The following SS18 variants were observed in gnomAD, a reference collection of about 807,000 sequenced individuals.
SS18 encodes the protein SS18 subunit of BAF chromatin remodeling complex, also known as protein SSXT.
Under a neutral mutation model 72.5 loss-of-function variants are expected in SS18, and 28 were observed. That is an observed-to-expected ratio of 0.39 (90% CI 0.29 to 0.53). The LOEUF (loss-of-function observed/expected upper bound fraction) is 0.53, where lower values mean the gene tolerates loss of function less well. SS18 is among the 20% of genes least tolerant of loss of function. The pLI, the probability that SS18 is intolerant of heterozygous loss-of-function variation, is 0.76. For synonymous variants in SS18, 172 were observed against 164.2 expected, an observed-to-expected ratio of 1.05 and a Z score of -0.37; for missense variants, 518 against 535.3, an observed-to-expected ratio of 0.97 and a Z score of 0.32.
intron 4 of SS18, among the ~76,000 whole-genome samples, chr18:26,053,351 T>G (rs1598571420): frequency 6.6e-6 from 1 of 150,440 alleles, no homozygotes; most frequent in Admixed American, 6.6e-5. Context: ...TCTAGATGAA[T>G]AGAAAACTTA....
intron 3 of SS18, among the ~76,000 whole-genome samples, chr18:26,061,693 T>G (rs1233366785): frequency 6.6e-6 from 1 of 151,340 alleles, no homozygotes; most frequent in Non-Finnish European, 1.5e-5. Flanking sequence ...CAGCCCAGAA[T>G]TCCACACTAA....
chr18:26,090,512 C>G lies in SS18; in HGVS notation c.58G>C (p.Ala20Pro). Reference protein sequence around the residue: ...QRGKGEITPAAIQKMLDDNNH... With the variant: ...QRGKGEITPAPIQKMLDDNNH... ...CCGCGCGGTTTCACCTTCTGAATCG[C>G]AGCGGGAGTGATCTCCCCCTTGCCT... The change falls in exon 1 of 11, where the codon GCG becomes CCG. Residue 20 changes from alanine to proline, a missense_variant. By Grantham distance (27) the Ala-to-Pro change is conservative. Transcript: ENST00000415083. 6.3e-7 allele frequency: 1 copy of G among 1,579,226 alleles called. No individual in the cohort carries two copies. Among genetic ancestry groups the G allele is most frequent in the Non-Finnish European group, 8.6e-7 (1 of 1,162,836 alleles).
At position 26,066,917 on chromosome 18, in the gene SS18, T is replaced by C. The variant is rs140617473; in HGVS notation, c.232-9175A>G. On this transcript the variant is annotated intron_variant, in intron 3 of 10. Transcript: ENST00000415083. ...TAATCACATCTTCTGCTGTTTCAAA[T>C]GTACTCTGAATACAAAGTATTTCTA... is the stretch of plus-strand genomic sequence containing the variant. 2.6e-3 allele frequency among the ~76,000 whole-genome samples: 398 copies of C among 152,336 alleles called. 3 individuals are homozygous for C. The highest frequency in any genetic ancestry group is 8.8e-3 in the African/African-American group (365 of 41,572).
intron 5 of SS18, among the ~76,000 whole-genome samples, chr18:26,047,879 C>G (rs1216230834): frequency 6.6e-6 from 1 of 152,114 alleles, no homozygotes. Flanking sequence ...AGGTTAAATT[C>G]CTACCTCTTA....
chr18:26,086,885 A>G (rs2054624482), intron 2 of SS18, among the ~76,000 whole-genome samples: 2 of 152,230 alleles, frequency 1.3e-5, no homozygotes, highest in South Asian at 2.1e-4. Context: ...GGTAAGAAGT[A>G]TAAGAAACGA....
At chr18:26,083,728 C>G (rs528983122) in intron 2 of SS18, among the ~76,000 whole-genome samples, 1 of 152,186 alleles carries the variant, frequency 6.6e-6, no homozygotes, top group Non-Finnish European at 1.5e-5. Flanking sequence ...CTATTGTTGA[C>G]CAAAAGAGCA....
At chr18:26,057,820 G>T in intron 3 of SS18, 78 bp from the exon 4 acceptor site, 1 of 1,357,598 alleles carries the variant, frequency 7.4e-7, no homozygotes, top group Non-Finnish European at 9.8e-7. Context: ...AGTTGCTTAT[G>T]TTACTAAATT....
At chr18:26,023,744 C>T in intron 10 of SS18, 3 of 417,672 alleles carry the variant, frequency 7.2e-6, no homozygotes, top group East Asian at 4.6e-5. Flanking sequence ...TGTTAACATC[C>T]TTCAGGCAAA....
chr18:26,032,343 C>A, intron 10 of SS18, 56 bp downstream of exon 10: 1 of 1,589,760 alleles, frequency 6.3e-7, no homozygotes, highest in Non-Finnish European at 8.6e-7. Flanking sequence ...AAAAAGTTCA[C>A]CTAATCGAGA....
chr18:26,060,771 CAA>C (rs60999827), intron 3 of SS18, among the ~76,000 whole-genome samples: 19 of 39,594 alleles, frequency 4.8e-4, no homozygotes, highest in African/African-American at 8.2e-4. Context: ...CTAAAAATAC[CAA>C]AAAAAAAAAA....
chr18:26,023,631 T>C (rs1264594619), intron 10 of SS18: 2 of 531,384 alleles, frequency 3.8e-6, no homozygotes, highest in Admixed American at 4.5e-5. Flanking sequence ...CCACCTAGAA[T>C]TCTATACCCA....
In SS18 at chr18:26,019,345, C is replaced by T. The variant is rs1427867043; in HGVS notation, c.1231-965G>A. Among the ~76,000 whole-genome samples the T allele has an allele frequency of 2.0e-5, 3 of 152,288 alleles. No individual in the cohort carries two copies. The East Asian group carries it at 5.8e-4, about 29-fold the overall frequency. ...TAGTTAACTGTTTCCTTTGGCTAAA[C>T]AACTCTCTCTCCACGTCACAACAAT... On this transcript the variant is annotated intron_variant, in intron 10 of 10. Coordinates refer to ENST00000415083, the MANE Select transcript of SS18 (RefSeq NM_001007559.3).
chr18:26,059,424 T>G (rs1337241693), intron 3 of SS18, among the ~76,000 whole-genome samples: 2 of 152,128 alleles, frequency 1.3e-5, no homozygotes, highest in Non-Finnish European at 2.9e-5. Context: ...AAGAATAAAT[T>G]TCCAGAGAGA....
At chr18:26,025,364 A>T in intron 10 of SS18, among the ~76,000 whole-genome samples, 1 of 152,128 alleles carries the variant, frequency 6.6e-6, no homozygotes, top group Non-Finnish European at 1.5e-5. Context: ...AAAAAGAAAT[A>T]ATAAAGTTCT....
intron 5 of SS18, 127 bp from the exon 6 acceptor site, chr18:26,039,583 CAAATAATA>C: frequency 1.2e-6 from 1 of 804,972 alleles, no homozygotes; most frequent in Non-Finnish European, 1.8e-6. Context: ...AAACTGATTT[CAAATAATA>C]AAAATAAGTC....
At chr18:26,083,534 G>A (rs182509865) in intron 2 of SS18, among the ~76,000 whole-genome samples, 15 of 152,228 alleles carry the variant, frequency 9.9e-5, no homozygotes, top group Admixed American at 7.2e-4. Context: ...ATACAGTATA[G>A]CTTATTGCTC....
chr18:26,082,209 T>C (rs1378092463), intron 2 of SS18, among the ~76,000 whole-genome samples: 1 of 152,174 alleles, frequency 6.6e-6, no homozygotes, highest in African/African-American at 2.4e-5. Flanking sequence ...ATACTCATGA[T>C]TATTAACCTA....
chr18:26,069,876 T>TA (rs1396739032), intron 3 of SS18, among the ~76,000 whole-genome samples: 1 of 152,200 alleles, frequency 6.6e-6, no homozygotes, highest in African/African-American at 2.4e-5. Flanking sequence ...TAGCAGATGA[T>TA]AAAAAATAAA....
chr18:26,032,680 T>G, intron 9 of SS18, 148 bp from the exon 10 acceptor site: 1 of 843,146 alleles, frequency 1.2e-6, no homozygotes, highest in Admixed American at 3.0e-5. Context: ...AAATGCTTTC[T>G]GAAATAAATC....
Sources: allele counts gnomAD v4.1 joint callset (sites outside exome capture counted in the v4.1 genomes callset), GRCh38; gene constraint gnomAD v4.1.1; transcripts MANE v1.5; gene names NCBI Gene and HGNC (gene_info 2026-07-23, HGNC 2026-07-21).